NTRK1: variants seen among roughly 807,000 people sequenced by gnomAD.
NTRK1 encodes the protein neurotrophic receptor tyrosine kinase 1.
In NTRK1, 62 loss-of-function variants were observed where a neutral mutation model predicts 86.8. The observed-to-expected ratio is 0.71, with a 90% CI of 0.58 to 0.88. The LOEUF (loss-of-function observed/expected upper bound fraction) is 0.88. NTRK1 is among the 40% of genes least tolerant of loss of function. NTRK1 has a pLI of 0.00. For synonymous variants in NTRK1, 469 were observed against 456.6 expected, an observed-to-expected ratio of 1.03 and a Z score of -0.35; for missense variants, 967 against 1,078.4, an observed-to-expected ratio of 0.90 and a Z score of 1.45.
At chr1:156,878,059 G>A (rs887728624) in intron 14 of NTRK1, among the ~76,000 whole-genome samples, 21 of 152,182 alleles carry the variant, frequency 1.4e-4, no homozygotes, top group African/African-American at 5.1e-4. Flanking sequence ...CAGGCTGTGG[G>A]AGACGAGGCT....
Position 156,868,640 on chromosome 1 carries a change from C to A in NTRK1, c.710C>A (p.Thr237Lys). ...WILTELEQSA[T>K]VMKSGGLPSL... ...CTCACAGAGCTGGAGCAGTCAGCCA[C>A]GGTGATGGTGAGAAGACCTTCGCTG... is the stretch of plus-strand genomic sequence containing the variant. Residue 237 changes from threonine (T) to lysine (K), a missense_variant, in exon 6 of 17, where the codon ACG becomes AAG. Thr to Lys is a moderately conservative substitution (Grantham distance 78). This residue lies in a region of NTRK1 where 637 missense variants were observed against 776.5 expected (regional missense o/e 0.82). Transcript: ENST00000524377. The A allele has an allele frequency of 1.3e-6, 2 of 1,550,790 alleles. No homozygotes were observed. The highest frequency in any genetic ancestry group is 1.7e-6 in the Non-Finnish European group (2 of 1,146,996).
At position 156,881,758 on chromosome 1, in the gene NTRK1, A is replaced by C. The variant is rs1372537084; in HGVS notation, c.*116A>C. 1.8e-6 allele frequency: 2 copies of C among 1,082,072 alleles called. No homozygotes were observed. Among genetic ancestry groups the C allele is most frequent in the Non-Finnish European group, 2.6e-6 (2 of 775,742 alleles). 67.0% of individuals were successfully genotyped at this position (1,082,072 alleles called of 1,614,324 possible). A position where few individuals can be genotyped will look rare whatever the true frequency, so the allele number is the denominator to read the frequency against. On this transcript the variant is annotated 3_prime_UTR_variant, in exon 17 of 17. Coordinates refer to ENST00000524377, the MANE Select transcript of NTRK1 (RefSeq NM_002529.4). Reference sequence around the variant, plus strand: ...TCAAAGTATCTAATTCACCCTCAGCATGTGGGAAGGGACAGGTGGGGGCTG... The same window carrying C: ...TCAAAGTATCTAATTCACCCTCAGCCTGTGGGAAGGGACAGGTGGGGGCTG...
Position 156,871,870 on chromosome 1 carries a change from T to C in NTRK1, c.850+115T>C, listed in dbSNP as rs1647577529. ...GTGGGATGTGTGTCTCCACAGCTGC[T>C]CCCTCCCAGCTGTTTCCAGATTCCC... On this transcript the variant is annotated intron_variant, in intron 7 of 16. Coordinates refer to ENST00000524377, the MANE Select transcript of NTRK1 (RefSeq NM_002529.4). 2.2e-6 allele frequency: 3 copies of C among 1,391,638 alleles called. No individual in the cohort carries two copies. In the Admixed American group the frequency reaches 5.4e-5, roughly 25 times the overall value. The allele number at this position is 1,391,638 out of a possible 1,614,324, so 86.2% of individuals were successfully genotyped here.
At chr1:156,851,309 C>T (rs1558089712) in intron 2 of NTRK1, 1 of 1,614,140 alleles carries the variant, frequency 6.2e-7, no homozygotes, top group Non-Finnish European at 8.5e-7. Context: ...ATGGCGTCTC[C>T]CCGGATTAGT....
In NTRK1 at chr1:156,873,708, C is replaced by A. The variant is rs1300360657; in HGVS notation, c.926C>A (p.Pro309Gln). Residue 309 changes from proline to glutamine, a missense_variant, in exon 8 of 17, where the codon CCG becomes CAG. Around this residue, in one of 2 missense-constraint regions of NTRK1, gnomAD observed 637 missense variants for 776.5 expected, o/e 0.82. Transcript: ENST00000524377. ...WCIPFSVDGQ[P>Q]APSLRWLFNG... ...ATCCCCTTCTCTGTGGATGGGCAGC[C>A]GGCACCGTCTCTGCGCTGGCTCTTC... The A allele has an allele frequency of 1.2e-6, 2 of 1,611,886 alleles. No homozygotes were observed. The highest frequency in any genetic ancestry group is 1.7e-6 in the Non-Finnish European group (2 of 1,179,400).
At chr1:156,872,498 T>C (rs1296261954) in intron 7 of NTRK1, among the ~76,000 whole-genome samples, 2 of 149,990 alleles carry the variant, frequency 1.3e-5, no homozygotes, top group African/African-American at 4.8e-5. Context: ...CATTCAACAT[T>C]ATATTTATAA....
At chr1:156,848,521 A>C (rs570619023) in intron 2 of NTRK1, among the ~76,000 whole-genome samples, 1 of 152,246 alleles carries the variant, frequency 6.6e-6, no homozygotes, top group South Asian at 2.1e-4. Flanking sequence ...CTCCCTTCCT[A>C]AGGCTTAAAT....
intron 6 of NTRK1, among the ~76,000 whole-genome samples, chr1:156,870,267 A>G (rs996837423): frequency 2.6e-5 from 4 of 152,142 alleles, no homozygotes; most frequent in Non-Finnish European, 4.4e-5. Flanking sequence ...GTCACTCCCT[A>G]CTGGGCACAG....
intron 1 of NTRK1, among the ~76,000 whole-genome samples, chr1:156,817,280 G>A: frequency 6.6e-6 from 1 of 151,994 alleles, no homozygotes; most frequent in Non-Finnish European, 1.5e-5. Context: ...AGGACTTTTT[G>A]AGGACATGTG....
chr1:156,857,911 A>G (rs115699453), upstream of NTRK1, among the ~76,000 whole-genome samples: 540 of 152,182 alleles, frequency 3.5e-3, no homozygotes, highest in Non-Finnish European at 5.0e-3. Flanking sequence ...TTTAGTCTAT[A>G]TAGTCCCCCC....
chr1:156,858,836 AC>A (rs1303206464), upstream of NTRK1: 11 of 588,268 alleles, frequency 1.9e-5, no homozygotes. Flanking sequence ...GCAGTTGGAG[AC>A]AGAGAGACTC....
At chr1:156,861,761 A>C (rs1655663258) in intron 1 of NTRK1, among the ~76,000 whole-genome samples, 1 of 150,886 alleles carries the variant, frequency 6.6e-6, no homozygotes, top group Non-Finnish European at 1.5e-5. Context: ...TTCTCTCCCC[A>C]CTCCCATCTC....
intron 2 of NTRK1, chr1:156,852,192 C>T (rs1236286108): frequency 1.9e-6 from 3 of 1,587,940 alleles, no homozygotes; most frequent in South Asian, 2.3e-5. Context: ...CAGGGGCACA[C>T]TGTGGGGAGA....
rs1453294938 is a variant in NTRK1 at position 156,854,022 on chromosome 1, G to C, written c.51-10332G>C. 6.2e-7 allele frequency: 1 copy of C among 1,614,052 alleles called. No homozygotes were observed. Among genetic ancestry groups the C allele is most frequent in the African/African-American group, 1.3e-5 (1 of 75,074 alleles). On this transcript the variant is annotated intron_variant, in intron 2 of 16. Coordinates refer to the NTRK1 transcript ENST00000392302. This position sits in a 1 kb window ranked among gnomAD's most constrained non-coding sequence, Gnocchi z 4.2. ...AGTGCAGGCAGTGCCACGTCACGCA[G>C]ATGTGGCATCTCAAAGATGACCAGT...
intron 2 of NTRK1, among the ~76,000 whole-genome samples, chr1:156,855,197 T>TATCTATCTATCTATC (rs1655367779): frequency 6.8e-6 from 1 of 146,478 alleles, no homozygotes; most frequent in African/African-American, 2.7e-5. Flanking sequence ...TCTATCTATC[T>TATCTATCTATCTATC]ATCTATCTAT....
At chr1:156,853,636 A>T in intron 2 of NTRK1, 1 of 1,033,482 alleles carries the variant, frequency 9.7e-7, no homozygotes, top group Non-Finnish European at 1.4e-6. Context: ...AGGATGAGTG[A>T]GGATTAAAAA....
At chr1:156,871,305 A>C (rs1303964040) in intron 6 of NTRK1, among the ~76,000 whole-genome samples, 1 of 152,198 alleles carries the variant, frequency 6.6e-6, no homozygotes, top group Non-Finnish European at 1.5e-5. Context: ...CTGTAATCCC[A>C]ATACTTTGGG....
intron 2 of NTRK1, chr1:156,844,481 G>C (rs768953728): frequency 2.5e-6 from 4 of 1,613,872 alleles, no homozygotes; most frequent in Non-Finnish European, 3.4e-6. Flanking sequence ...GGATGTAGAA[G>C]GCAACACTGT....
At chr1:156,851,268 T>C in intron 2 of NTRK1, 1 of 1,613,900 alleles carries the variant, frequency 6.2e-7, no homozygotes, top group South Asian at 1.1e-5. Context: ...TAGAAGGAGC[T>C]GGTCAGAGGC....
Sources: gnomAD v4.1 joint callset for allele counts (sites outside exome capture counted in the v4.1 genomes callset) on GRCh38, gnomAD v4.1.1 for gene constraint, gnomAD v4.1.1 regional missense constraint, Gnocchi (gnomAD v3.1) non-coding constraint, MANE v1.5 for transcripts, NCBI Gene and HGNC (gene_info 2026-07-23, HGNC 2026-07-21) for gene names.